CLIP1: variants seen among roughly 807,000 people sequenced by gnomAD.
CLIP1 encodes the protein CAP-Gly domain-containing linker protein 1.
A neutral mutation model predicts 161.6 loss-of-function variants in CLIP1; 66 were observed. The ratio of observed to expected loss-of-function variants is 0.41; its 90% CI spans 0.33 to 0.50. The LOEUF is 0.50. Among genes scored for constraint, CLIP1 ranks in the 20% least tolerant of loss-of-function variants. The pLI is 0.27. For missense variants in CLIP1, 1,376 were observed against 1,702.0 expected (o/e 0.81, Z 3.37); for synonymous variants, 598 against 626.2 (o/e 0.96, Z 0.67).
At chr12:122,357,748 C>T (rs1256472089) in intron 5 of CLIP1, among the ~76,000 whole-genome samples, 13 of 149,500 alleles carry the variant, frequency 8.7e-5, no homozygotes, top group African/African-American at 2.7e-4. Flanking sequence ...CGCCTCTGCC[C>T]GGCCGCCCCT....
At chr12:122,350,609 G>A (rs963907796) in intron 9 of CLIP1, among the ~76,000 whole-genome samples, 8 of 151,884 alleles carry the variant, frequency 5.3e-5, no homozygotes, top group Admixed American at 2.0e-4. Flanking sequence ...GGCCAGTGGC[G>A]GGGGCACACT....
intron 1 of CLIP1, among the ~76,000 whole-genome samples, chr12:122,388,959 T>A (rs934266512): frequency 9.2e-4 from 140 of 152,300 alleles, no homozygotes; most frequent in African/African-American, 3.2e-3. Flanking sequence ...TGGACATAAA[T>A]CACCTACACA....
intron 1 of CLIP1, among the ~76,000 whole-genome samples, chr12:122,384,767 TAAAA>T (rs1190488369): frequency 7.8e-6 from 1 of 127,484 alleles, no homozygotes; most frequent in African/African-American, 2.9e-5. Flanking sequence ...TCTCAAAAAA[TAAAA>T]AAAAAAAATA....
At chr12:122,382,463 G>A (rs900007685) in intron 1 of CLIP1, among the ~76,000 whole-genome samples, 13 of 151,572 alleles carry the variant, frequency 8.6e-5, no homozygotes, top group Admixed American at 5.3e-4. Context: ...AGAAGATGAA[G>A]GTTGTAGTGA....
intron 20 of CLIP1, among the ~76,000 whole-genome samples, chr12:122,296,861 C>CAAAA (rs56071033): frequency 3.3e-4 from 19 of 58,192 alleles, no homozygotes; most frequent in Non-Finnish European, 4.6e-4. Context: ...GAGACTACCT[C>CAAAA]AAAAAAAAAA....
intron 20 of CLIP1, among the ~76,000 whole-genome samples, chr12:122,297,999 C>T (rs998456180): frequency 4.6e-5 from 7 of 152,260 alleles, no homozygotes; most frequent in Middle Eastern, 3.4e-3. Flanking sequence ...CAGTTTGGGA[C>T]GAATCTGCAT....
intron 5 of CLIP1, among the ~76,000 whole-genome samples, chr12:122,357,588 C>T (rs1279455130): frequency 1.4e-5 from 2 of 142,066 alleles, no homozygotes; most frequent in East Asian, 2.2e-4. Context: ...CCCGGCCAGC[C>T]GCCCCGTCCG....
At chr12:122,320,150 T>C (rs556032981) in intron 17 of CLIP1, among the ~76,000 whole-genome samples, 35 of 151,578 alleles carry the variant, frequency 2.3e-4, no homozygotes, top group African/African-American at 8.0e-4. Flanking sequence ...GGCGGGTGCC[T>C]GTAGCTACTT....
intron 2 of CLIP1, among the ~76,000 whole-genome samples, chr12:122,378,265 T>C (rs796890916): frequency 2.6e-5 from 4 of 152,280 alleles, no homozygotes; most frequent in African/African-American, 9.6e-5. Context: ...TTTTGTATTT[T>C]TAGTAGAGAC....
At chr12:122,398,515 T>C (rs990471736) in intron 1 of CLIP1, among the ~76,000 whole-genome samples, 38 of 151,968 alleles carry the variant, frequency 2.5e-4, no homozygotes, top group African/African-American at 8.7e-4. Context: ...ATAATTAAAG[T>C]ACTATATTTT....
chr12:122,306,824 C>A (rs1950889529), intron 20 of CLIP1, among the ~76,000 whole-genome samples: 1 of 151,904 alleles, frequency 6.6e-6, no homozygotes, highest in African/African-American at 2.4e-5. Context: ...AATGTTTGAC[C>A]GCACCTACCC....
intron 1 of CLIP1, among the ~76,000 whole-genome samples, chr12:122,419,765 G>C (rs1956873937): frequency 6.6e-6 from 1 of 151,356 alleles, no homozygotes; most frequent in South Asian, 2.1e-4. Context: ...GTGAAACCCT[G>C]TCTCTACTAA....
At chr12:122,288,878 T>G (rs1038082551) in intron 20 of CLIP1, among the ~76,000 whole-genome samples, 3 of 144,714 alleles carry the variant, frequency 2.1e-5, no homozygotes, top group South Asian at 2.2e-4. Context: ...TGCAGTGGCG[T>G]GATCTCGGCT....
At chr12:122,404,871 GC>G (rs1312548256) in intron 1 of CLIP1, among the ~76,000 whole-genome samples, 1 of 148,382 alleles carries the variant, frequency 6.7e-6, no homozygotes, top group Non-Finnish European at 1.5e-5. Flanking sequence ...CTGCACTCCA[GC>G]CCGGGTGACA....
chr12:122,349,345 A>G (rs1952907384), intron 9 of CLIP1, among the ~76,000 whole-genome samples: 1 of 152,266 alleles, frequency 6.6e-6, no homozygotes. Context: ...GATCTTTCAG[A>G]TAAGCGTAGC....
intron 1 of CLIP1, among the ~76,000 whole-genome samples, chr12:122,398,676 T>C (rs1956025149): frequency 1.3e-5 from 2 of 151,778 alleles, no homozygotes; most frequent in South Asian, 4.1e-4. Context: ...GAGAGCTGCC[T>C]GGGCAACATA....
Position 122,377,687 on chromosome 12 carries a change from C to T in CLIP1, c.359G>A (p.Arg120Gln), listed in dbSNP as rs1465233305. Residue 120 changes from arginine to glutamine, a missense_variant, in exon 3 of 26, where the codon CGA (arginine) becomes CAA (glutamine). Transcript: ENST00000620786. ...CACCTTCCTTGTTAACTTTGAAGGT[C>T]GGGTAAATATGCCCTTTAAAGGTTC... ...QCEPLKGIFTRPSKLTRKVQA... is the reference protein window; with the variant it reads ...QCEPLKGIFTQPSKLTRKVQA... The T allele has an allele frequency of 1.9e-6, 3 of 1,613,486 alleles. No homozygotes were observed. Among genetic ancestry groups the T allele is most frequent in the South Asian group, 1.1e-5 (1 of 91,056 alleles).
At chr12:122,304,230 G>A (rs1399478035) in intron 20 of CLIP1, among the ~76,000 whole-genome samples, 1 of 152,188 alleles carries the variant, frequency 6.6e-6, no homozygotes, top group Non-Finnish European at 1.5e-5. Context: ...TTCCAAACTA[G>A]ACTGGGCACA....
In CLIP1 at chr12:122,355,293, C is replaced by A. The variant is rs762223224; in HGVS notation, c.1025G>T (p.Arg342Leu). Residue 342 changes from arginine (R) to leucine (L), a missense_variant, in exon 6 of 26, where the codon CGT becomes CTT. Transcript: ENST00000620786. The surrounding 1 kb of genome is among the most constrained non-coding windows in gnomAD (Gnocchi z 4.1). The stretch of plus-strand genomic sequence containing the variant: ...GGTACCGGAGATCTTCCTGGCGTAA[C>A]GGGAGGAGGTTTCAGTCAACTGTAA... Reference protein sequence around the residue: ...RTGLLTETSSRYARKISGTTA... With the variant: ...RTGLLTETSSLYARKISGTTA... The A allele has an allele frequency of 1.2e-6, 2 of 1,613,828 alleles. No individual in the cohort carries two copies. Among genetic ancestry groups the A allele is most frequent in the Non-Finnish European group, 1.7e-6 (2 of 1,179,860 alleles).
Sources: gnomAD v4.1 joint callset for allele counts (sites outside exome capture counted in the v4.1 genomes callset) on GRCh38, gnomAD v4.1.1 for gene constraint, Gnocchi (gnomAD v3.1) non-coding constraint, MANE v1.5 for transcripts, NCBI Gene and HGNC (gene_info 2026-07-23, HGNC 2026-07-21) for gene names.